The following EPB41L2 variants were observed in gnomAD, a reference collection of about 807,000 sequenced individuals.
The protein encoded by EPB41L2 is erythrocyte membrane protein band 4.1 like 2.
In EPB41L2, 43 loss-of-function variants were observed where a neutral mutation model predicts 113.0. That is an observed-to-expected ratio of 0.38 (90% CI 0.30 to 0.49). EPB41L2 has a LOEUF of 0.49. EPB41L2 is among the 20% of genes least tolerant of loss of function. The probability of loss-of-function intolerance (pLI) is 0.95; values close to 1 mark genes in which losing one functional copy is unlikely to be tolerated. For synonymous variants in EPB41L2, 442 were observed against 436.7 expected, an observed-to-expected ratio of 1.01 and a Z score of -0.15; for missense variants, 1,147 against 1,223.4, an observed-to-expected ratio of 0.94 and a Z score of 0.93.
At chr6:130,867,703 G>C in intron 15 of EPB41L2, 122 bp from the exon 16 acceptor site, 3 of 1,310,056 alleles carry the variant, frequency 2.3e-6, no homozygotes, top group Non-Finnish European at 3.2e-6. Flanking sequence ...CAAAAGAAAA[G>C]AGTAAAAGCA....
At chr6:130,974,708 TTTTC>T (rs1777741156) in intron 1 of EPB41L2, among the ~76,000 whole-genome samples, 1 of 138,226 alleles carries the variant, frequency 7.2e-6, no homozygotes, top group Non-Finnish European at 1.5e-5. Flanking sequence ...CTCTTTTTTC[TTTTC>T]TTTTCTTTTT....
rs140353879 is a variant in EPB41L2, at chr6:131,050,296, G to A, written c.-15+12859C>T. Reference sequence around the variant, plus strand: ...AGAGGTTGCAGTGAGCCAAGATTGCGCCATTGCACCCCAGCCTGGGCAACA... The same window carrying A: ...AGAGGTTGCAGTGAGCCAAGATTGCACCATTGCACCCCAGCCTGGGCAACA... On this transcript the variant is annotated intron_variant, in intron 1 of 19. Coordinates refer to ENST00000337057, the MANE Select transcript of EPB41L2 (RefSeq NM_001431.4). Among the ~76,000 whole-genome samples the A allele has an allele frequency of 3.6e-3, 546 of 152,156 alleles. 2 individuals carry two copies. The highest frequency in any genetic ancestry group is 0.013 in the African/African-American group (524 of 41,504).
intron 3 of EPB41L2, among the ~76,000 whole-genome samples, chr6:130,951,692 G>C (rs1815163123): frequency 6.6e-6 from 1 of 151,904 alleles, no homozygotes; most frequent in African/African-American, 2.4e-5. Flanking sequence ...CTGTAGTACT[G>C]TTTTCATGGT....
intron 4 of EPB41L2, among the ~76,000 whole-genome samples, chr6:130,911,626 T>C (rs773781516): frequency 2.6e-5 from 4 of 152,112 alleles, no homozygotes; most frequent in Non-Finnish European, 4.4e-5. Context: ...TAGGAAACTG[T>C]TACAGCATCT....
intron 1 of EPB41L2, among the ~76,000 whole-genome samples, chr6:131,039,408 G>A (rs573138743): frequency 6.6e-5 from 10 of 152,080 alleles, no homozygotes; most frequent in Non-Finnish European, 1.3e-4. Flanking sequence ...TTAACAACAC[G>A]CAAACCCTTG....
At chr6:131,027,780 C>T (rs1306076961) in intron 1 of EPB41L2, among the ~76,000 whole-genome samples, 5 of 152,136 alleles carry the variant, frequency 3.3e-5, no homozygotes, top group Non-Finnish European at 7.4e-5. Flanking sequence ...TATACACCAA[C>T]TACATACCCA....
chr6:130,912,077 G>A (rs879457907), intron 4 of EPB41L2, among the ~76,000 whole-genome samples: 1 of 152,130 alleles, frequency 6.6e-6, no homozygotes, highest in Non-Finnish European at 1.5e-5. Flanking sequence ...GCACAAGAGA[G>A]GGATCTAGGC....
chr6:130,985,483 G>T (rs1780343513), intron 1 of EPB41L2, among the ~76,000 whole-genome samples: 1 of 152,228 alleles, frequency 6.6e-6, no homozygotes, highest in African/African-American at 2.4e-5. Context: ...GGGAACCAGT[G>T]CATAAGCTAG....
chr6:130,870,466 G>T, intron 14 of EPB41L2: 1 of 1,371,342 alleles, frequency 7.3e-7, no homozygotes, highest in Non-Finnish European at 1.0e-6. Flanking sequence ...ACACTGCAAA[G>T]ACAAAACAGC....
chr6:130,908,047 C>A (rs1331546461), intron 5 of EPB41L2, among the ~76,000 whole-genome samples: 4 of 152,156 alleles, frequency 2.6e-5, no homozygotes, highest in Admixed American at 6.5e-5. Context: ...CATTCACAGA[C>A]CCTGAAGTAA....
At chr6:130,940,614 C>CCCT (rs1225879019) in intron 3 of EPB41L2, among the ~76,000 whole-genome samples, 4 of 151,914 alleles carry the variant, frequency 2.6e-5, no homozygotes, top group African/African-American at 9.7e-5. Flanking sequence ...TACAGGTGCC[C>CCCT]CCTCACCATG....
At chr6:130,904,930 T>A (rs551739615) in intron 5 of EPB41L2, among the ~76,000 whole-genome samples, 76 of 146,472 alleles carry the variant, frequency 5.2e-4, no homozygotes, top group Admixed American at 5.4e-4. Context: ...TTTTTTTTTT[T>A]AAAATTCAGG....
intron 15 of EPB41L2, chr6:130,868,036 T>C (rs1784472873): frequency 6.0e-6 from 1 of 167,892 alleles, no homozygotes; most frequent in South Asian, 1.4e-4. Flanking sequence ...TAATAATAAA[T>C]TGAAAAGAAA....
rs142169984 is a variant in EPB41L2, at chr6:130,872,289, G to A, written c.2044-2163C>T. ...ATTTCACCAATGAAAGCACTGGAGG[G>A]AATGGTGCCTGAATATTTAAAAAAA... On this transcript the variant is annotated intron_variant, in intron 14 of 19. Transcript: ENST00000337057. 73 of 1,090,620 alleles carry A rather than the reference G, an allele frequency of 6.7e-5. No homozygotes were observed. In the African/African-American group the frequency reaches 1.0e-3, roughly 15 times the overall value. 67.6% of individuals were successfully genotyped at this position (1,090,620 alleles called of 1,614,324 possible).
chr6:130,850,122 C>T (rs532905990), intron 19 of EPB41L2, among the ~76,000 whole-genome samples: 2 of 152,188 alleles, frequency 1.3e-5, no homozygotes, highest in South Asian at 4.2e-4. Context: ...CCTGTAATTC[C>T]AGCTACTCGG....
At chr6:130,908,258 GAGGCCTAACTACA>G (rs1461005722) in intron 5 of EPB41L2, among the ~76,000 whole-genome samples, 1 of 152,178 alleles carries the variant, frequency 6.6e-6, no homozygotes, top group East Asian at 1.9e-4. Flanking sequence ...AATGAACAAT[GAGGCCTAACTACA>G]AGCCCAGGCT....
intron 1 of EPB41L2, among the ~76,000 whole-genome samples, chr6:130,976,272 A>AT (rs1778180182): frequency 6.6e-6 from 1 of 152,102 alleles, no homozygotes; most frequent in Non-Finnish European, 1.5e-5. Context: ...AGAAAAACTA[A>AT]TTTTTTTCAC....
intron 1 of EPB41L2, among the ~76,000 whole-genome samples, chr6:130,973,139 A>C (rs1457072955): frequency 6.6e-6 from 1 of 152,012 alleles, no homozygotes. Context: ...AGGTTTGCTT[A>C]ATGGGAAGAC....
chr6:130,868,913 C>G (rs2128445957), intron 15 of EPB41L2: 1 of 152,502 alleles, frequency 6.6e-6, no homozygotes, highest in Non-Finnish European at 1.5e-5. Context: ...ATCCTCCTAT[C>G]AAATAGCCTA....
Sources: gnomAD v4.1 joint callset for allele counts (sites outside exome capture counted in the v4.1 genomes callset) on GRCh38, gnomAD v4.1.1 for gene constraint, MANE v1.5 for transcripts, NCBI Gene and HGNC (gene_info 2026-07-23, HGNC 2026-07-21) for gene names.